The following DIAPH1 variants were observed in gnomAD, a reference collection of about 807,000 sequenced individuals.
DIAPH1 encodes the protein protein diaphanous homolog 1.
In DIAPH1, 46 loss-of-function variants were observed where a neutral mutation model predicts 140.7. The ratio of observed to expected loss-of-function variants is 0.33; its 90% CI spans 0.26 to 0.42. The LOEUF is 0.42. DIAPH1 is among the 10% of genes least tolerant of loss of function. The pLI, the probability that DIAPH1 is intolerant of heterozygous loss-of-function variation, is 1.00. For missense variants in DIAPH1, 1,310 were observed against 1,558.7 expected (o/e 0.84, Z 2.69); for synonymous variants, 565 against 551.6 (o/e 1.02, Z -0.34).
At chr5:141,524,001 A>G in intron 27 of DIAPH1, 142 bp downstream of exon 27, 1 of 778,310 alleles carries the variant, frequency 1.3e-6, no homozygotes, top group Non-Finnish European at 2.3e-6. Flanking sequence ...CATGGGAAGA[A>G]GAGGACTAGA....
intron 1 of DIAPH1, among the ~76,000 whole-genome samples, chr5:141,616,894 T>A (rs143761391): frequency 6.6e-6 from 1 of 152,296 alleles, no homozygotes; most frequent in East Asian, 1.9e-4. Flanking sequence ...TATAGAAGAC[T>A]TCATGGACAT....
intron 1 of DIAPH1, among the ~76,000 whole-genome samples, chr5:141,600,192 G>A (rs1229812979): frequency 6.6e-6 from 1 of 152,200 alleles, no homozygotes; most frequent in African/African-American, 2.4e-5. Flanking sequence ...TCTGGGTACT[G>A]AGAACAGTTC....
At chr5:141,583,431 C>T (rs2099897075) in intron 5 of DIAPH1, 54 bp downstream of exon 5, 1 of 1,613,798 alleles carries the variant, frequency 6.2e-7, no homozygotes, top group Admixed American at 1.7e-5. Context: ...TCAATCACCA[C>T]CAGTGAAGTC....
intron 1 of DIAPH1, among the ~76,000 whole-genome samples, chr5:141,596,207 T>C (rs1215654714): frequency 6.6e-6 from 1 of 151,882 alleles, no homozygotes; most frequent in Non-Finnish European, 1.5e-5. Flanking sequence ...GTGGCACGCG[T>C]CTGTAGTGCC....
At chr5:141,587,465 T>C (rs937807205) in intron 2 of DIAPH1, 1 of 478,846 alleles carries the variant, frequency 2.1e-6, no homozygotes. Flanking sequence ...AACATTGTTC[T>C]TGATCTCCCC....
intron 1 of DIAPH1, among the ~76,000 whole-genome samples, chr5:141,599,178 A>AT (rs2099899763): frequency 6.6e-6 from 1 of 152,232 alleles, no homozygotes; most frequent in Admixed American, 6.5e-5. Context: ...AAAAGAGAGT[A>AT]TGACTAAACA....
chr5:141,528,432 C>G (rs2099887711), intron 23 of DIAPH1, 21 bp downstream of exon 23: 2 of 1,614,022 alleles, frequency 1.2e-6, no homozygotes, highest in Non-Finnish European at 1.7e-6. Context: ...TGGGCTCTAG[C>G]TTCATTCCAA....
At chr5:141,553,544 G>A (rs1263280627) in intron 18 of DIAPH1, among the ~76,000 whole-genome samples, 2 of 151,812 alleles carry the variant, frequency 1.3e-5, no homozygotes, top group Non-Finnish European at 1.5e-5. Context: ...TCAGGAGGCT[G>A]AGGCAGGAGA....
At chr5:141,555,488 T>C (rs1405367766) in intron 18 of DIAPH1, among the ~76,000 whole-genome samples, 1 of 152,168 alleles carries the variant, frequency 6.6e-6, no homozygotes, top group Non-Finnish European at 1.5e-5. Flanking sequence ...GGTGCACTAA[T>C]TAATCATCCA....
At chr5:141,517,133 T>G in intron 27 of DIAPH1, 125 bp from the exon 28 acceptor site, 1 of 1,075,930 alleles carries the variant, frequency 9.3e-7, no homozygotes. Context: ...ACAGAGGCCC[T>G]TACTTTGAAG....
chr5:141,576,853 C>A lies in DIAPH1; in HGVS notation c.1299G>T (p.Leu433Phe). The A allele has an allele frequency of 1.2e-6, 2 of 1,609,088 alleles. No homozygotes were observed. Among genetic ancestry groups the A allele is most frequent in the South Asian group, 1.1e-5 (1 of 90,956 alleles). ...CTATCTGGGAAATACATTCTTCAAT[C>A]AACTTATAGTACTGAGGTCTACAAG... is the stretch of plus-strand genomic sequence containing the variant. ...DYEARPQYYKLIEECISQIVL... is the reference protein window; with the variant it reads ...DYEARPQYYKFIEECISQIVL... Residue 433 changes from leucine (L) to phenylalanine (F), a missense_variant, in exon 13 of 28, where the codon TTG (leucine) becomes TTT (phenylalanine). Physicochemically the swap from Leu to Phe is conservative, Grantham distance 22 (BLOSUM62 0). Coordinates refer to ENST00000389054, the MANE Select transcript of DIAPH1 (RefSeq NM_005219.5).
chr5:141,543,584 C>T (rs141022544), intron 18 of DIAPH1, among the ~76,000 whole-genome samples: 1 of 152,130 alleles, frequency 6.6e-6, no homozygotes, highest in African/African-American at 2.4e-5. Flanking sequence ...AATTCATTAT[C>T]AACATTATAA....
At chr5:141,575,440 G>A (rs1010823345) in intron 14 of DIAPH1, among the ~76,000 whole-genome samples, 1 of 152,186 alleles carries the variant, frequency 6.6e-6, no homozygotes, top group Non-Finnish European at 1.5e-5. Context: ...CCTGAGGTCA[G>A]AAGTTCGAGA....
At chr5:141,585,479 T>TC (rs1287441051) in intron 3 of DIAPH1, among the ~76,000 whole-genome samples, 1 of 152,162 alleles carries the variant, frequency 6.6e-6, no homozygotes, top group Non-Finnish European at 1.5e-5. Context: ...AACGGTTTTT[T>TC]CAACAATTTT....
chr5:141,535,991 A>C, intron 18 of DIAPH1: 3 of 470,036 alleles, frequency 6.4e-6, no homozygotes, highest in South Asian at 4.7e-5. Flanking sequence ...CAAAAGGTAC[A>C]AAGAACTATA....
chr5:141,563,824 G>A (rs1227299305), intron 18 of DIAPH1: 1 of 152,204 alleles, frequency 6.6e-6, no homozygotes, highest in East Asian at 1.9e-4. Flanking sequence ...ACAAAGGGTT[G>A]ACTTTGACCG....
chr5:141,519,053 A>G, intron 27 of DIAPH1: 1 of 1,473,230 alleles, frequency 6.8e-7, no homozygotes, highest in Non-Finnish European at 9.3e-7. Context: ...GGACTTATCT[A>G]GTTACAGATC....
intron 18 of DIAPH1, among the ~76,000 whole-genome samples, chr5:141,559,630 T>C (rs183344924): frequency 6.6e-5 from 10 of 152,276 alleles, no homozygotes; most frequent in South Asian, 2.1e-4. Context: ...AATATAGTCA[T>C]TGAGTTTCCC....
chr5:141,548,031 T>G (rs1405229286), intron 18 of DIAPH1, among the ~76,000 whole-genome samples: 1 of 152,024 alleles, frequency 6.6e-6, no homozygotes, highest in Non-Finnish European at 1.5e-5. Flanking sequence ...GACTCCATCT[T>G]TACAAAACAA....
Sources: allele counts gnomAD v4.1 joint callset (sites outside exome capture counted in the v4.1 genomes callset), GRCh38; gene constraint gnomAD v4.1.1; transcripts MANE v1.5; gene names NCBI Gene and HGNC (gene_info 2026-07-23, HGNC 2026-07-21).